Variants in CPVL observed in about 807,000 individuals in gnomAD.
CPVL encodes the protein probable serine carboxypeptidase CPVL.
In CPVL, 51 loss-of-function variants were observed where a neutral mutation model predicts 63.7. That is an observed-to-expected ratio of 0.80 (90% CI 0.64 to 1.01). The LOEUF is 1.01. CPVL is among the 50% of genes least tolerant of loss of function. The probability of loss-of-function intolerance (pLI) is 0.00; values close to 1 mark genes in which losing one functional copy is unlikely to be tolerated. For synonymous variants in CPVL, 195 were observed against 206.0 expected (o/e 0.95, Z 0.46); for missense variants, 530 against 573.1 (o/e 0.92, Z 0.77).
intron 7 of CPVL, among the ~76,000 whole-genome samples, chr7:29,076,752 G>A (rs1784287058): frequency 6.6e-6 from 1 of 152,192 alleles, no homozygotes; most frequent in Admixed American, 6.5e-5. Flanking sequence ...TGTATTTGCT[G>A]GAGCTTAAAG....
At chr7:29,146,959 C>A, upstream of CPVL, 2 of 1,551,048 alleles carry the variant, frequency 1.3e-6, no homozygotes, top group Non-Finnish European at 1.7e-6. Flanking sequence ...GCTGCACTAG[C>A]AGTAAGCTCG....
At chr7:29,100,125 ACAAT>A (rs771574748) in intron 3 of CPVL, among the ~76,000 whole-genome samples, 6 of 152,164 alleles carry the variant, frequency 3.9e-5, no homozygotes, top group African/African-American at 1.2e-4. Context: ...AGGTAGAAAA[ACAAT>A]GGGATCTGGG....
chr7:29,075,519 T>TAAAAAAAAAAAAAAAAAAAAAAAAA lies in CPVL; in HGVS notation c.610-3097_610-3096insTTTTTTTTTTTTTTTTTTTTTTTTT, dbSNP rs10658501. Among the ~76,000 whole-genome samples, 5 of 128,978 alleles carry TAAAAAAAAAAAAAAAAAAAAAAAAA rather than the reference T, an allele frequency of 3.9e-5. 2 individuals are homozygous for TAAAAAAAAAAAAAAAAAAAAAAAAA. The highest frequency in any genetic ancestry group is 4.8e-5 in the Non-Finnish European group (3 of 62,296). 84.6% of individuals were successfully genotyped at this position (128,978 alleles called of 152,430 possible). A position where few individuals can be genotyped will look rare whatever the true frequency, so the allele number is the denominator to read the frequency against. The stretch of plus-strand genomic sequence containing the variant: ...TCTTTTCTATTGAGAAGATACTTCT[T>TAAAAAAAAAAAAAAAAAAAAAAAAA]AAAAAAAAAAAAAAAAAAGCCATCA... On this transcript the variant is annotated intron_variant, in intron 7 of 12. Transcript: ENST00000265394.
chr7:29,025,506 CT>C (rs1440075608), intron 12 of CPVL, among the ~76,000 whole-genome samples: 2 of 152,112 alleles, frequency 1.3e-5, no homozygotes. Flanking sequence ...ACACAATCAC[CT>C]CCCATCAGAC....
At chr7:29,059,225 GT>G in intron 11 of CPVL, among the ~76,000 whole-genome samples, 1 of 152,070 alleles carries the variant, frequency 6.6e-6, no homozygotes, top group African/African-American at 2.4e-5. Flanking sequence ...CTGTTACAGT[GT>G]TTTTGATCTC....
At chr7:29,093,278 G>A (rs1232300618) in intron 5 of CPVL, among the ~76,000 whole-genome samples, 1 of 150,298 alleles carries the variant, frequency 6.7e-6, no homozygotes, top group Non-Finnish European at 1.5e-5. Flanking sequence ...TCAGGAGGCT[G>A]AGGCATAAGA....
intron 12 of CPVL, among the ~76,000 whole-genome samples, chr7:29,029,389 A>G (rs751642149): frequency 1.3e-5 from 2 of 152,232 alleles, no homozygotes; most frequent in Admixed American, 6.5e-5. Context: ...TAGCCATGAC[A>G]TGGAATCACC....
chr7:29,004,140 A>G (rs936214202), intron 12 of CPVL, among the ~76,000 whole-genome samples: 2 of 152,244 alleles, frequency 1.3e-5, no homozygotes, highest in Non-Finnish European at 2.9e-5. Flanking sequence ...ATAATCTACT[A>G]TTATCAAGTT....
chr7:29,036,851 G>A (rs1447637859), intron 11 of CPVL, among the ~76,000 whole-genome samples: 1 of 152,108 alleles, frequency 6.6e-6, no homozygotes, highest in Non-Finnish European at 1.5e-5. Flanking sequence ...AGCATTCTCA[G>A]AAGGCAGGTG....
intron 11 of CPVL, among the ~76,000 whole-genome samples, chr7:29,059,471 T>G (rs1262392314): frequency 6.6e-6 from 1 of 152,126 alleles, no homozygotes; most frequent in African/African-American, 2.4e-5. Flanking sequence ...CAATCCAAAT[T>G]CAACAATACA....
chr7:29,091,718 G>T (rs532238477), intron 6 of CPVL, among the ~76,000 whole-genome samples: 1 of 152,314 alleles, frequency 6.6e-6, no homozygotes, highest in South Asian at 2.1e-4. Flanking sequence ...TTCTTTTCTG[G>T]GTGGGCAGAG....
At chr7:29,096,770 G>C (rs1350542702) in intron 3 of CPVL, among the ~76,000 whole-genome samples, 1 of 151,992 alleles carries the variant, frequency 6.6e-6, no homozygotes, top group African/African-American at 2.4e-5. Flanking sequence ...GATCACCTGG[G>C]GTCAGGAGTT....
At chr7:29,072,494 T>A in intron 7 of CPVL, 71 bp from the exon 8 acceptor site, 1 of 1,541,806 alleles carries the variant, frequency 6.5e-7, no homozygotes, top group South Asian at 1.2e-5. Flanking sequence ...CTTAAGCTAA[T>A]TAAAATAACA....
At chr7:29,177,027 A>AG (rs1178264295) in intron 5 of CPVL, among the ~76,000 whole-genome samples, 1 of 151,992 alleles carries the variant, frequency 6.6e-6, no homozygotes, top group Non-Finnish European at 1.5e-5. Flanking sequence ...CAAGAAAGAG[A>AG]GGGGAAAAAA....
At position 29,092,722 on chromosome 7, in the gene CPVL, G is replaced by T. The variant is rs761468916; in HGVS notation, c.463-20C>A. ...GCCCACCTGCAGGAGAAATAAACACGCAGGTATAAACACAGAGAAACACAT... is the reference window on the plus strand; with the variant it reads ...GCCCACCTGCAGGAGAAATAAACACTCAGGTATAAACACAGAGAAACACAT... On this transcript the variant is annotated intron_variant, in intron 5 of 12. Coordinates refer to ENST00000265394, the MANE Select transcript of CPVL (RefSeq NM_031311.5). 6 of 1,568,222 alleles carry T rather than the reference G, an allele frequency of 3.8e-6. No individual in the cohort carries two copies. The highest frequency in any genetic ancestry group is 1.7e-5 in the Admixed American group (1 of 59,864).
chr7:29,046,252 T>G (rs973768071), intron 11 of CPVL, among the ~76,000 whole-genome samples: 1 of 149,780 alleles, frequency 6.7e-6, no homozygotes, highest in Non-Finnish European at 1.5e-5. Flanking sequence ...ACCCGGCTAA[T>G]TTTTTTGTAT....
chr7:29,096,236 C>A lies in CPVL; in HGVS notation c.289-19G>T. On this transcript the variant is annotated intron_variant, in intron 3 of 12. Coordinates refer to ENST00000265394, the MANE Select transcript of CPVL (RefSeq NM_031311.5). Reference sequence around the variant, plus strand: ...GCTGTATCTAGAGGAAACAGTAAAACCAGTGACCACACAGAACACTCACTT... The same window carrying A: ...GCTGTATCTAGAGGAAACAGTAAAAACAGTGACCACACAGAACACTCACTT... The A allele has an allele frequency of 6.4e-7, 1 of 1,566,348 alleles. No homozygotes were observed. The highest frequency in any genetic ancestry group is 1.1e-5 in the South Asian group (1 of 90,114).
chr7:29,168,170 T>A (rs968431103), intron 5 of CPVL, among the ~76,000 whole-genome samples: 6 of 152,210 alleles, frequency 3.9e-5, no homozygotes, highest in African/African-American at 1.4e-4. Context: ...AGACTGCACA[T>A]CTTCTGACGT....
chr7:29,079,366 A>G (rs1254816553), intron 7 of CPVL, among the ~76,000 whole-genome samples: 1 of 152,152 alleles, frequency 6.6e-6, no homozygotes. Context: ...CACCATCTTC[A>G]GGCCCTGGAG....
Sources: allele counts gnomAD v4.1 joint callset (sites outside exome capture counted in the v4.1 genomes callset), GRCh38; gene constraint gnomAD v4.1.1; transcripts MANE v1.5; gene names NCBI Gene and HGNC (gene_info 2026-07-23, HGNC 2026-07-21).